RPF2: variants seen among roughly 807,000 people sequenced by gnomAD.
The protein encoded by RPF2 is brix domain containing 1.
Under a neutral mutation model 38.9 loss-of-function variants are expected in RPF2, and 21 were observed. The ratio of observed to expected loss-of-function variants is 0.54; its 90% CI spans 0.38 to 0.78. RPF2 has a LOEUF of 0.78. Ranked by LOEUF, RPF2 falls within the 30% of genes least tolerant of loss-of-function variation. RPF2 has a pLI of 0.00. For missense variants in RPF2, 314 were observed against 358.1 expected (o/e 0.88, Z 0.99); for synonymous variants, 121 against 126.2 (o/e 0.96, Z 0.28).
chr6:111,008,284 C>G, intron 7 of RPF2, 147 bp downstream of exon 7: 1 of 941,664 alleles, frequency 1.1e-6, no homozygotes, highest in Admixed American at 4.2e-5. Flanking sequence ...TAATGGAGTG[C>G]TTCACAAATT....
At chr6:110,988,847 C>A (rs1187114387) in intron 2 of RPF2, 181 bp from the exon 3 acceptor site, 2 of 737,676 alleles carry the variant, frequency 2.7e-6, no homozygotes, top group Non-Finnish European at 4.2e-6. Context: ...AAGTCTAGTC[C>A]AAGAATATTA....
At chr6:111,009,078 C>T (rs779137101) in intron 7 of RPF2, among the ~76,000 whole-genome samples, 2 of 150,872 alleles carry the variant, frequency 1.3e-5, no homozygotes, top group Non-Finnish European at 3.0e-5. Context: ...TCTTTTGAGA[C>T]GGAGTCTCGC....
intron 7 of RPF2, among the ~76,000 whole-genome samples, chr6:111,013,299 T>A (rs1772050953): frequency 1.3e-5 from 2 of 152,230 alleles, no homozygotes; most frequent in African/African-American, 2.4e-5. Flanking sequence ...GCCAATGGTA[T>A]TCATGTGTAA....
chr6:110,994,727 G>GTT (rs1554247818), intron 4 of RPF2, among the ~76,000 whole-genome samples: 5,076 of 107,378 alleles, frequency 0.047, 146 homozygotes, highest in Middle Eastern at 0.092. Context: ...AATGGGATGA[G>GTT]TATATATACA....
chr6:110,987,848 C>T (rs918504331), intron 2 of RPF2, among the ~76,000 whole-genome samples: 4 of 152,092 alleles, frequency 2.6e-5, no homozygotes, highest in African/African-American at 7.2e-5. Flanking sequence ...TAGAGCAGTA[C>T]TGGCCATACA....
At chr6:110,986,187 G>A (rs913280273) in intron 2 of RPF2, among the ~76,000 whole-genome samples, 1 of 152,194 alleles carries the variant, frequency 6.6e-6, no homozygotes, top group South Asian at 2.1e-4. Flanking sequence ...GGAGGCATGG[G>A]TCACATAGTA....
chr6:111,004,327 C>T (rs1029843835), intron 6 of RPF2, among the ~76,000 whole-genome samples: 1 of 151,390 alleles, frequency 6.6e-6, no homozygotes, highest in East Asian at 1.9e-4. Context: ...GGATTACAGG[C>T]ACACACCACC....
At chr6:111,010,809 C>T (rs1771999776) in intron 7 of RPF2, among the ~76,000 whole-genome samples, 1 of 151,882 alleles carries the variant, frequency 6.6e-6, no homozygotes, top group Admixed American at 6.6e-5. Flanking sequence ...TTTCATTTTC[C>T]CTTTTTGGGA....
intron 8 of RPF2, among the ~76,000 whole-genome samples, chr6:111,016,686 TC>T (rs1213291001): frequency 0.016 from 1,687 of 107,562 alleles, 43 homozygotes; most frequent in African/African-American, 0.045. Context: ...TTTTTTTCTT[TC>T]TTTTTTTTTT....
intron 6 of RPF2, among the ~76,000 whole-genome samples, chr6:111,003,132 C>T (rs1344794554): frequency 6.9e-6 from 1 of 144,764 alleles, no homozygotes; most frequent in Admixed American, 7.0e-5. Flanking sequence ...GTCACCAATA[C>T]CCCATTATTT....
At chr6:110,994,830 G>C (rs771856275) in intron 4 of RPF2, among the ~76,000 whole-genome samples, 2 of 151,346 alleles carry the variant, frequency 1.3e-5, no homozygotes, top group Non-Finnish European at 2.9e-5. Context: ...GGAAAGCTTT[G>C]AGATGTTAGT....
intron 7 of RPF2, among the ~76,000 whole-genome samples, chr6:111,014,765 C>T (rs931205077): frequency 4.6e-5 from 7 of 152,186 alleles, no homozygotes; most frequent in African/African-American, 1.7e-4. Context: ...TCTTTCATAG[C>T]CAAGTCTGTG....
At chr6:110,999,662 G>A in intron 5 of RPF2, 49 bp from the exon 6 acceptor site, 1 of 1,208,612 alleles carries the variant, frequency 8.3e-7, no homozygotes. Context: ...GTATATGTAA[G>A]GTGGCTCTTT....
At chr6:111,015,699 C>A in intron 7 of RPF2, 55 bp from the exon 8 acceptor site, 1 of 1,234,714 alleles carries the variant, frequency 8.1e-7, no homozygotes, top group Non-Finnish European at 1.2e-6. Flanking sequence ...TTCTTTGTAA[C>A]TGAATTTTGC....
At chr6:111,022,403 C>G (rs1393549419) in intron 8 of RPF2, among the ~76,000 whole-genome samples, 1 of 152,178 alleles carries the variant, frequency 6.6e-6, no homozygotes, top group Non-Finnish European at 1.5e-5. Flanking sequence ...GAACTGGGTT[C>G]TGTTTGCAGA....
rs1162324098 is a variant in RPF2, at chr6:111,025,426, C to T, written c.765C>T (p.Ser255=). 6.2e-7 allele frequency: 1 copy of T among 1,604,600 alleles called. No homozygotes were observed. Among genetic ancestry groups the T allele is most frequent in the Non-Finnish European group, 8.5e-7 (1 of 1,175,274 alleles). Reference sequence around the variant, plus strand: ...AGCCAAAGAAGAAGAAAAATATTTCCCATGATACTTTTGGTACAACTTATG... The same window carrying T: ...AGCCAAAGAAGAAGAAAAATATTTCTCATGATACTTTTGGTACAACTTATG... ...ALKPKKKKNI[S]HDTFGTTYGR... Residue 255 remains serine, a synonymous_variant, in exon 10 of 10, where the codon TCC becomes TCT. Coordinates refer to ENST00000441448, the MANE Select transcript of RPF2 (RefSeq NM_032194.3).
chr6:110,984,709 G>A (rs1048394570), intron 1 of RPF2, among the ~76,000 whole-genome samples: 1 of 152,086 alleles, frequency 6.6e-6, no homozygotes, highest in Non-Finnish European at 1.5e-5. Context: ...GCGTGGTGGT[G>A]TGTGCCTGTA....
At position 110,991,784 on chromosome 6, in the gene RPF2, C is replaced by T. The variant is rs772755391; in HGVS notation, c.232C>T (p.Leu78=). Reference sequence around the variant, plus strand: ...AAGACCTTTTGAGGATCAGACATCACTGGTAAGTATAATAATCTTTATGAT... The same window carrying T: ...AAGACCTTTTGAGGATCAGACATCATTGGTAAGTATAATAATCTTTATGAT... ...ITRPFEDQTS[L]EFFSKKSDCS... The change falls in exon 4 of 10, where the codon CTG becomes TTG. Residue 78 remains leucine (L), a splice_region_variant and synonymous_variant. Coordinates refer to ENST00000441448, the MANE Select transcript of RPF2 (RefSeq NM_032194.3). The T allele has an allele frequency of 8.4e-6, 10 of 1,190,480 alleles. No homozygotes were observed. Among genetic ancestry groups the T allele is most frequent in the African/African-American group, 3.1e-5 (2 of 64,302 alleles). 73.7% of individuals were successfully genotyped at this position (1,190,480 alleles called of 1,614,324 possible). A position where few individuals can be genotyped will look rare whatever the true frequency, so the allele number is the denominator to read the frequency against.
intron 8 of RPF2, among the ~76,000 whole-genome samples, chr6:111,017,741 GC>G (rs1055750932): frequency 2.0e-5 from 3 of 147,176 alleles, no homozygotes; most frequent in Non-Finnish European, 4.4e-5. Context: ...GGGCAGCCGG[GC>G]AGAGGGGCTC....
Sources: gnomAD v4.1 joint callset for allele counts (sites outside exome capture counted in the v4.1 genomes callset) on GRCh38, gnomAD v4.1.1 for gene constraint, MANE v1.5 for transcripts, NCBI Gene and HGNC (gene_info 2026-07-23, HGNC 2026-07-21) for gene names.